SEMA3C: variants seen among roughly 807,000 people sequenced by gnomAD.
SEMA3C encodes semaphorin-3C.
A neutral mutation model predicts 89.4 loss-of-function variants in SEMA3C; 47 were observed. The ratio of observed to expected loss-of-function variants is 0.53; its 90% CI spans 0.42 to 0.67. The LOEUF (loss-of-function observed/expected upper bound fraction) is 0.67, where lower values mean the gene tolerates loss of function less well. Among genes scored for constraint, SEMA3C ranks in the 30% least tolerant of loss-of-function variants. The pLI is 0.00. For synonymous variants in SEMA3C, 310 were observed against 320.2 expected, an observed-to-expected ratio of 0.97 and a Z score of 0.34; for missense variants, 839 against 929.1, an observed-to-expected ratio of 0.90 and a Z score of 1.26.
rs71802410 is a variant in SEMA3C, at chr7:80,881,164, AACACACACACACACACAC to A, written c.103+35497_103+35514del. Among the ~76,000 whole-genome samples, 255 of 135,528 alleles carry A rather than the reference AACACACACACACACACAC, an allele frequency of 1.9e-3. 1 individual carries two copies. The highest frequency in any genetic ancestry group is 5.6e-3 in the African/African-American group (206 of 36,912). 88.9% of individuals were successfully genotyped at this position (135,528 alleles called of 152,430 possible). On this transcript the variant is annotated intron_variant, in intron 2 of 17. Transcript: ENST00000265361. Reference sequence around the variant, plus strand: ...GTTACTTTTGTTGCCTGGAGAAAGAAACACACACACACACACACACACACACACACACACACACACACA... The same window carrying A: ...GTTACTTTTGTTGCCTGGAGAAAGAAACACACACACACACACACACACACA...
rs531251072 is a variant in SEMA3C, at chr7:80,874,195, T to C, written c.103+42484A>G. On this transcript the variant is annotated intron_variant, in intron 2 of 17. Coordinates refer to ENST00000265361, the MANE Select transcript of SEMA3C (RefSeq NM_006379.5). ...TTGAGGGCCTGAACTCAACTGCTCT[T>C]ATCTCCTAGAATTGACTGCTCCTAA... is the stretch of plus-strand genomic sequence containing the variant. 1.4e-4 allele frequency among the ~76,000 whole-genome samples: 21 copies of C among 152,264 alleles called. No homozygotes were observed. In the South Asian group the frequency reaches 4.3e-3, roughly 32 times the overall value.
At chr7:80,915,335 A>G (rs1161533039) in intron 2 of SEMA3C, among the ~76,000 whole-genome samples, 1 of 152,164 alleles carries the variant, frequency 6.6e-6, no homozygotes, top group Non-Finnish European at 1.5e-5. Flanking sequence ...TAAGGAAGCA[A>G]TTAGAAGCTC....
chr7:80,821,418 GT>G (rs1048701136), intron 4 of SEMA3C, among the ~76,000 whole-genome samples: 3 of 150,944 alleles, frequency 2.0e-5, no homozygotes, highest in Admixed American at 6.6e-5. Context: ...GTCCACAGTT[GT>G]TTTTTTTTGG....
chr7:80,853,621 G>A (rs1790567471), intron 2 of SEMA3C, among the ~76,000 whole-genome samples: 1 of 152,184 alleles, frequency 6.6e-6, no homozygotes, highest in African/African-American at 2.4e-5. Context: ...GAAGCTGGGA[G>A]GGTAGTGGCA....
At chr7:80,891,405 G>A (rs1039431186) in intron 2 of SEMA3C, among the ~76,000 whole-genome samples, 2 of 151,890 alleles carry the variant, frequency 1.3e-5, no homozygotes, top group Non-Finnish European at 2.9e-5. Context: ...AGTAGCAACA[G>A]CCTAGAGGAA....
intron 9 of SEMA3C, among the ~76,000 whole-genome samples, chr7:80,801,247 A>C (rs1055695914): frequency 1.3e-5 from 2 of 152,082 alleles, no homozygotes; most frequent in African/African-American, 2.4e-5. Flanking sequence ...TACTGTTTTA[A>C]TTAAAAAAAT....
In SEMA3C at chr7:80,806,073, C is replaced by G. The variant is rs563533971; in HGVS notation, c.539-315G>C. 2.0e-5 allele frequency among the ~76,000 whole-genome samples: 3 copies of G among 151,970 alleles called. No homozygotes were observed. The South Asian group carries it at 6.2e-4, about 31-fold the overall frequency. On this transcript the variant is annotated intron_variant, in intron 6 of 17. Transcript: ENST00000265361. ...ATATTAATTTTTATATAGAGTCTAT[C>G]AGAAATGGCAGACGTATAATAGATA...
At chr7:80,782,429 G>C (rs899335289) in intron 12 of SEMA3C, among the ~76,000 whole-genome samples, 1 of 152,084 alleles carries the variant, frequency 6.6e-6, no homozygotes, top group Non-Finnish European at 1.5e-5. Flanking sequence ...ACACATCAGG[G>C]ATATTATCAT....
At chr7:80,837,066 C>G (rs1465291173) in intron 2 of SEMA3C, among the ~76,000 whole-genome samples, 1 of 152,072 alleles carries the variant, frequency 6.6e-6, no homozygotes. Context: ...CATAAACGCA[C>G]TGTTTGGGGC....
At chr7:80,881,075 A>T (rs1791325744) in intron 2 of SEMA3C, among the ~76,000 whole-genome samples, 1 of 151,954 alleles carries the variant, frequency 6.6e-6, no homozygotes, top group African/African-American at 2.4e-5. Context: ...AGTTAATTTA[A>T]TTGCAAGGAT....
intron 15 of SEMA3C, among the ~76,000 whole-genome samples, chr7:80,754,957 G>GTTTTTTTTTTTTGTTTTTTTTGTT (rs1554359488): frequency 9.2e-6 from 1 of 108,368 alleles, no homozygotes; most frequent in African/African-American, 3.5e-5. Flanking sequence ...GTTTTTTTTT[G>GTTTTTTTTTTTTGTTTTTTTTGTT]TTTTTTTTTT....
chr7:80,786,423 CT>C (rs1489507689), intron 12 of SEMA3C, among the ~76,000 whole-genome samples: 1 of 150,780 alleles, frequency 6.6e-6, no homozygotes, highest in Admixed American at 6.6e-5. Context: ...ACCAACTTGG[CT>C]GTGGCATCAA....
chr7:80,754,947 G>GTTTTTTTTTTGT (rs1031680674), intron 15 of SEMA3C, among the ~76,000 whole-genome samples: 2 of 13,136 alleles, frequency 1.5e-4, no homozygotes, highest in Non-Finnish European at 6.1e-4. Context: ...CTGGCGAATT[G>GTTTTTTTTTTGT]TTTTTTTTTG....
intron 2 of SEMA3C, among the ~76,000 whole-genome samples, chr7:80,873,196 A>C (rs2116058515): frequency 6.6e-6 from 1 of 152,320 alleles, no homozygotes; most frequent in Non-Finnish European, 1.5e-5. Flanking sequence ...GGAAAAATGG[A>C]GAACTTGAAG....
chr7:80,851,124 C>T (rs76728017), intron 2 of SEMA3C, among the ~76,000 whole-genome samples: 21 of 152,186 alleles, frequency 1.4e-4, no homozygotes, highest in Non-Finnish European at 2.4e-4. Context: ...CTTGTGATTC[C>T]ATTTAGGGCT....
intron 2 of SEMA3C, among the ~76,000 whole-genome samples, chr7:80,899,665 A>G (rs1791830171): frequency 6.6e-6 from 1 of 152,218 alleles, no homozygotes; most frequent in Non-Finnish European, 1.5e-5. Context: ...GGCAAGTAAC[A>G]TAAATTAGTA....
intron 9 of SEMA3C, among the ~76,000 whole-genome samples, chr7:80,801,893 G>A (rs1161041249): frequency 6.6e-6 from 1 of 152,016 alleles, no homozygotes; most frequent in Non-Finnish European, 1.5e-5. Flanking sequence ...TTGATCAGAA[G>A]AACGATATAG....
At chr7:80,755,001 T>C (rs1012993197) in intron 15 of SEMA3C, among the ~76,000 whole-genome samples, 3 of 123,266 alleles carry the variant, frequency 2.4e-5, no homozygotes, top group African/African-American at 9.0e-5. Flanking sequence ...GGTTTTGCCA[T>C]GTTGGCTAGG....
At chr7:80,909,081 T>C (rs1792084790) in intron 2 of SEMA3C, among the ~76,000 whole-genome samples, 1 of 152,122 alleles carries the variant, frequency 6.6e-6, no homozygotes, top group African/African-American at 2.4e-5. Flanking sequence ...GATGTGAGTG[T>C]GTGTATGTGT....
Sources: gnomAD v4.1 joint callset for allele counts (sites outside exome capture counted in the v4.1 genomes callset) on GRCh38, gnomAD v4.1.1 for gene constraint, MANE v1.5 for transcripts, NCBI Gene and HGNC (gene_info 2026-07-23, HGNC 2026-07-21) for gene names.